The following PIEZO2 variants were observed in gnomAD, a reference collection of about 807,000 sequenced individuals.
PIEZO2 encodes the protein piezo-type mechanosensitive ion channel component 2.
Under a neutral mutation model 337.3 loss-of-function variants are expected in PIEZO2, and 172 were observed. The observed-to-expected ratio is 0.51, with a 90% confidence interval of 0.45 to 0.58. The LOEUF is 0.58. Ranked by LOEUF, PIEZO2 falls within the 20% of genes least tolerant of loss-of-function variation. The pLI is 0.00. For synonymous variants in PIEZO2, 1,251 were observed against 1,228.5 expected, an observed-to-expected ratio of 1.02 and a Z score of -0.38; for missense variants, 3,028 against 3,391.3, an observed-to-expected ratio of 0.89 and a Z score of 2.66.
chr18:11,018,428 TG>T (rs1265228909), intron 2 of PIEZO2, among the ~76,000 whole-genome samples: 7 of 145,444 alleles, frequency 4.8e-5, no homozygotes, highest in Middle Eastern at 3.6e-3. Flanking sequence ...TGTGTGTGTG[TG>T]TGTGTTGAAA....
At chr18:10,736,209 C>G (rs945555130) in intron 34 of PIEZO2, among the ~76,000 whole-genome samples, 2 of 152,222 alleles carry the variant, frequency 1.3e-5, no homozygotes, top group Admixed American at 1.3e-4. Flanking sequence ...CACAACAAAG[C>G]AAGGATTTTG....
At chr18:10,838,365 A>G (rs1046976709) in intron 7 of PIEZO2, among the ~76,000 whole-genome samples, 1 of 152,166 alleles carries the variant, frequency 6.6e-6, no homozygotes, top group South Asian at 2.1e-4. Flanking sequence ...GCAAATTGTA[A>G]TCTGATAGAT....
chr18:10,801,078 A>G (rs1376328063), intron 10 of PIEZO2, among the ~76,000 whole-genome samples: 2 of 152,256 alleles, frequency 1.3e-5, no homozygotes, highest in African/African-American at 4.8e-5. Flanking sequence ...TGAGATAAAC[A>G]TAACACCCAC....
chr18:11,057,947 A>C (rs1163223354), intron 2 of PIEZO2, among the ~76,000 whole-genome samples: 2 of 152,256 alleles, frequency 1.3e-5, no homozygotes, highest in Non-Finnish European at 2.9e-5. Flanking sequence ...AAACATAGGC[A>C]TGGGAAAGCA....
At chr18:10,692,092 T>C (rs2034874195) in intron 47 of PIEZO2, among the ~76,000 whole-genome samples, 1 of 152,092 alleles carries the variant, frequency 6.6e-6, no homozygotes, top group South Asian at 2.1e-4. Flanking sequence ...GTACAGATGG[T>C]AGTCTTCTCT....
rs2038020328 is a variant in PIEZO2, at chr18:10,759,266, T to A, written c.3757+216A>T. Among the ~76,000 whole-genome samples, 1 of 151,848 alleles carries A rather than the reference T, an allele frequency of 6.6e-6. No homozygotes were observed. The highest frequency in any genetic ancestry group is 2.4e-5 in the African/African-American group (1 of 41,284). On this transcript the variant is annotated intron_variant, in intron 26 of 55. Coordinates refer to ENST00000674853, the MANE Select transcript of PIEZO2 (RefSeq NM_001378183.1). The surrounding 1 kb of genome is among the most constrained non-coding windows in gnomAD (Gnocchi z 5.5). ...GTTGGGGGAAGTGAAATTATGCAAG[T>A]GAATATGGCATTTCCAACACTGATT... is the stretch of plus-strand genomic sequence containing the variant.
chr18:10,718,709 C>A (rs1394391769), intron 36 of PIEZO2, among the ~76,000 whole-genome samples: 1 of 152,122 alleles, frequency 6.6e-6, no homozygotes, highest in Non-Finnish European at 1.5e-5. Flanking sequence ...GAATAGTAAA[C>A]CTTAAAATAT....
chr18:11,128,165 TGG>T lies in PIEZO2; in HGVS notation c.64+20358_64+20359del, dbSNP rs2040238623. Reference sequence around the variant, plus strand: ...AACCAAGGAACGTAATAAAGCTGGTTGGTTGCTCCTAAGTTCAGTGGACAAAG... The same window carrying T: ...AACCAAGGAACGTAATAAAGCTGGTTTTGCTCCTAAGTTCAGTGGACAAAG... On this transcript the variant is annotated intron_variant, in intron 1 of 55. Coordinates refer to ENST00000674853, the MANE Select transcript of PIEZO2 (RefSeq NM_001378183.1). The surrounding 1 kb of genome is among the most constrained non-coding windows in gnomAD (Gnocchi z 4.1). Among the ~76,000 whole-genome samples, 1 of 152,128 alleles carries T rather than the reference TGG, an allele frequency of 6.6e-6. No individual in the cohort carries two copies. The highest frequency in any genetic ancestry group is 1.9e-4 in the East Asian group (1 of 5,198).
At chr18:10,723,279 T>C (rs1424119040) in intron 36 of PIEZO2, among the ~76,000 whole-genome samples, 1 of 152,108 alleles carries the variant, frequency 6.6e-6, no homozygotes, top group Admixed American at 6.5e-5. Flanking sequence ...CAGGAGGCAG[T>C]GATTAACTGT....
chr18:10,726,502 G>A lies in PIEZO2; in HGVS notation c.5029+4905C>T, dbSNP rs2036547319. The A allele has an allele frequency of 4.0e-6, 6 of 1,496,242 alleles. No individual in the cohort carries two copies. The highest frequency in any genetic ancestry group is 5.3e-6 in the Non-Finnish European group (6 of 1,128,392). 92.7% of individuals were successfully genotyped at this position (1,496,242 alleles called of 1,614,324 possible). A position where few individuals can be genotyped will look rare whatever the true frequency, so the allele number is the denominator to read the frequency against. On this transcript the variant is annotated intron_variant, in intron 36 of 55. Transcript: ENST00000674853. The surrounding 1 kb of genome is among the most constrained non-coding windows in gnomAD (Gnocchi z 5.9). ...CCCTGCACAGCGTGCTGCTCCGCAA[G>A]CAGCCGTTCCTGTGGCGCGCTGCGC...
rs185943184 is a variant in PIEZO2 at position 11,064,248 on chromosome 18, T to C, written c.160+1879A>G. Among the ~76,000 whole-genome samples the C allele has an allele frequency of 3.9e-3, 599 of 152,278 alleles. 2 individuals carry two copies. The highest frequency in any genetic ancestry group is 6.6e-3 in the Non-Finnish European group (447 of 68,026). Reference sequence around the variant, plus strand: ...TGCTTGGAGCCCCTCTGCAACTATATAAACAAACACATAAATGAGGTTATG... The same window carrying C: ...TGCTTGGAGCCCCTCTGCAACTATACAAACAAACACATAAATGAGGTTATG... On this transcript the variant is annotated intron_variant, in intron 2 of 55. Transcript: ENST00000674853.
At chr18:10,911,981 C>T (rs1661691507) in intron 3 of PIEZO2, among the ~76,000 whole-genome samples, 1 of 152,092 alleles carries the variant, frequency 6.6e-6, no homozygotes, top group African/African-American at 2.4e-5. Context: ...TCTGGAAAGC[C>T]AGGTGACACT....
At chr18:10,720,234 G>A (rs1054761708) in intron 36 of PIEZO2, among the ~76,000 whole-genome samples, 6 of 119,918 alleles carry the variant, frequency 5.0e-5, no homozygotes, top group Admixed American at 1.0e-4. Flanking sequence ...GTGTGTGTGT[G>A]TATATATATA....
At chr18:10,922,224 T>C (rs557674354) in intron 3 of PIEZO2, among the ~76,000 whole-genome samples, 4 of 152,158 alleles carry the variant, frequency 2.6e-5, no homozygotes, top group Non-Finnish European at 5.9e-5. Flanking sequence ...CGACATGTGA[T>C]GTCTCCCCTG....
intron 11 of PIEZO2, among the ~76,000 whole-genome samples, chr18:10,799,476 G>A (rs539457518): frequency 1.5e-3 from 223 of 152,238 alleles, no homozygotes; most frequent in Non-Finnish European, 2.7e-3. Context: ...CTTTTTAAAT[G>A]ATGGCTATTT....
In PIEZO2 at chr18:10,795,066, G is replaced by A; in HGVS notation, c.1528-64C>T. 7.4e-7 allele frequency: 1 copy of A among 1,345,882 alleles called. No homozygotes were observed. The highest frequency in any genetic ancestry group is 1.0e-6 in the Non-Finnish European group (1 of 977,168). The allele number at this position is 1,345,882 out of a possible 1,614,324, so 83.4% of individuals were successfully genotyped here. On this transcript the variant is annotated intron_variant, in intron 12 of 55. Transcript: ENST00000674853. The surrounding 1 kb of genome is among the most constrained non-coding windows in gnomAD (Gnocchi z 4.4). ...ACAATGCTCAGTCCCCCCCGCCCTG[G>A]TAAGGTAAAAACTATCTAAAAAGAA...
intron 5 of PIEZO2, 119 bp from the exon 6 acceptor site, chr18:10,857,330 AAG>A: frequency 1.2e-6 from 1 of 826,076 alleles, no homozygotes; most frequent in South Asian, 1.7e-5. Context: ...ATCAGGAAAA[AAG>A]GGAAGACAAC....
At chr18:10,925,898 G>GT (rs5823124) in intron 3 of PIEZO2, among the ~76,000 whole-genome samples, 74,531 of 152,026 alleles carry the variant, frequency 0.49, 18,474 homozygotes, top group South Asian at 0.66. Context: ...AGTGTTTTTT[G>GT]TTTTTTGTTT....
intron 5 of PIEZO2, among the ~76,000 whole-genome samples, chr18:10,864,093 A>G (rs2041945658): frequency 6.6e-6 from 1 of 152,248 alleles, no homozygotes; most frequent in African/African-American, 2.4e-5. Context: ...GTTTCCAGAA[A>G]GATTCAGAAC....
Sources: allele counts gnomAD v4.1 joint callset (sites outside exome capture counted in the v4.1 genomes callset), GRCh38; gene constraint gnomAD v4.1.1; non-coding constraint Gnocchi (gnomAD v3.1); transcripts MANE v1.5; gene names NCBI Gene and HGNC (gene_info 2026-07-23, HGNC 2026-07-21).